SPON1: variants seen among roughly 807,000 people sequenced by gnomAD.
SPON1 encodes the protein spondin-1.
A neutral mutation model predicts 111.7 loss-of-function variants in SPON1; 52 were observed. The ratio of observed to expected loss-of-function variants is 0.47; its 90% CI spans 0.37 to 0.59. The LOEUF is 0.59. Ranked by LOEUF, SPON1 falls within the 20% of genes least tolerant of loss-of-function variation. The pLI, the probability that SPON1 is intolerant of heterozygous loss-of-function variation, is 0.00. For synonymous variants in SPON1, 410 were observed against 395.8 expected (o/e 1.04, Z -0.43); for missense variants, 957 against 1,068.5 (o/e 0.90, Z 1.46).
chr11:14,072,350 AT>A (rs1245241945), intron 3 of SPON1, among the ~76,000 whole-genome samples: 1 of 152,074 alleles, frequency 6.6e-6, no homozygotes, highest in African/African-American at 2.4e-5. Context: ...GTCCCCCAAA[AT>A]TTTTATAATC....
chr11:14,211,751 C>T (rs529670106), intron 6 of SPON1, among the ~76,000 whole-genome samples: 1 of 152,268 alleles, frequency 6.6e-6, no homozygotes, highest in East Asian at 1.9e-4. Flanking sequence ...AGTAATGCTA[C>T]TGACCTTTGA....
intron 5 of SPON1, among the ~76,000 whole-genome samples, chr11:14,099,836 G>A (rs1554924217): frequency 1.3e-5 from 2 of 152,156 alleles, no homozygotes; most frequent in Admixed American, 6.5e-5. Context: ...CAGGGCTGAA[G>A]GCCAAGCGGA....
chr11:14,015,091 T>C (rs1381727655), intron 2 of SPON1, among the ~76,000 whole-genome samples: 1 of 152,252 alleles, frequency 6.6e-6, no homozygotes, highest in African/African-American at 2.4e-5. Flanking sequence ...CATTGAGGTT[T>C]GGCTCAAAGC....
intron 1 of SPON1, among the ~76,000 whole-genome samples, chr11:13,972,156 G>A (rs1415977313): frequency 6.6e-6 from 1 of 152,164 alleles, no homozygotes; most frequent in African/African-American, 2.4e-5. Context: ...CCCAGATGTG[G>A]TCTGTTAGGG....
At chr11:14,168,387 GTTTGA>G (rs1327385158) in intron 6 of SPON1, among the ~76,000 whole-genome samples, 1 of 152,100 alleles carries the variant, frequency 6.6e-6, no homozygotes, top group Non-Finnish European at 1.5e-5. Flanking sequence ...CTGACAAAAT[GTTTGA>G]TTTAAGTGCT....
At chr11:14,189,828 CTA>C (rs1554934389) in intron 6 of SPON1, among the ~76,000 whole-genome samples, 1 of 152,122 alleles carries the variant, frequency 6.6e-6, no homozygotes, top group Non-Finnish European at 1.5e-5. Flanking sequence ...CAAGAGAAGA[CTA>C]AAATGTTATT....
intron 6 of SPON1, among the ~76,000 whole-genome samples, chr11:14,166,552 A>G (rs945147758): frequency 1.3e-5 from 2 of 152,154 alleles, no homozygotes; most frequent in Non-Finnish European, 1.5e-5. Context: ...TAAGAGTCCT[A>G]TATCTGATCA....
At chr11:14,041,356 T>C (rs1848629825) in intron 2 of SPON1, among the ~76,000 whole-genome samples, 165 bp from the exon 3 acceptor site, 1 of 152,174 alleles carries the variant, frequency 6.6e-6, no homozygotes, top group Non-Finnish European at 1.5e-5. Context: ...TCAACAAGCG[T>C]TGACTGGGAC....
At chr11:14,237,310 C>G (rs140924096) in intron 6 of SPON1, among the ~76,000 whole-genome samples, 262 of 152,336 alleles carry the variant, frequency 1.7e-3, no homozygotes, top group African/African-American at 6.0e-3. Context: ...AGACACTGCT[C>G]TCCCAGAGGG....
At chr11:14,082,297 G>C (rs1554922134) in intron 5 of SPON1, among the ~76,000 whole-genome samples, 1 of 152,178 alleles carries the variant, frequency 6.6e-6, no homozygotes, top group East Asian at 1.9e-4. Flanking sequence ...GTGTGTTCCA[G>C]ATCTTCTAGG....
At chr11:13,982,537 T>C (rs539388316) in intron 1 of SPON1, among the ~76,000 whole-genome samples, 4 of 152,198 alleles carry the variant, frequency 2.6e-5, no homozygotes, top group African/African-American at 7.2e-5. Flanking sequence ...ATTGTGAAGA[T>C]TGAGTTTCTG....
intron 5 of SPON1, among the ~76,000 whole-genome samples, chr11:14,096,211 G>A (rs113440618): frequency 2.1e-4 from 32 of 152,292 alleles, no homozygotes; most frequent in African/African-American, 7.2e-4. Flanking sequence ...GGTTGGGAGT[G>A]GAGAAGGAAA....
chr11:14,084,971 C>A (rs1263767845), intron 5 of SPON1, among the ~76,000 whole-genome samples: 1 of 152,068 alleles, frequency 6.6e-6, no homozygotes, highest in Non-Finnish European at 1.5e-5. Context: ...CTGTTCATAT[C>A]CTTCACCCAC....
At chr11:14,004,486 C>T (rs982027568) in intron 2 of SPON1, among the ~76,000 whole-genome samples, 1 of 152,176 alleles carries the variant, frequency 6.6e-6, no homozygotes, top group East Asian at 1.9e-4. Context: ...CAGACCCTTA[C>T]CAACATTTGC....
chr11:14,028,805 C>T (rs948622458), intron 2 of SPON1, among the ~76,000 whole-genome samples: 6 of 152,148 alleles, frequency 3.9e-5, no homozygotes, highest in Admixed American at 3.3e-4. Flanking sequence ...TGACTTTACT[C>T]AAGGTCATTC....
chr11:14,158,776 A>C (rs1847877651), intron 6 of SPON1, among the ~76,000 whole-genome samples: 1 of 152,136 alleles, frequency 6.6e-6, no homozygotes, highest in South Asian at 2.1e-4. Flanking sequence ...TTGGCCTCAT[A>C]TAAGCTCGCT....
At chr11:14,166,941 A>G (rs1334862692) in intron 6 of SPON1, among the ~76,000 whole-genome samples, 6 of 152,098 alleles carry the variant, frequency 3.9e-5, no homozygotes, top group African/African-American at 1.4e-4. Context: ...AACAAGACAA[A>G]TGTCTGTAGA....
intron 6 of SPON1, among the ~76,000 whole-genome samples, chr11:14,142,626 C>G (rs1226283999): frequency 6.6e-6 from 1 of 152,188 alleles, no homozygotes; most frequent in African/African-American, 2.4e-5. Flanking sequence ...GGAGCTAGTT[C>G]GATGCCACCT....
intron 3 of SPON1, among the ~76,000 whole-genome samples, chr11:14,058,919 G>A (rs1313518961): frequency 1.3e-5 from 2 of 152,184 alleles, no homozygotes; most frequent in Non-Finnish European, 2.9e-5. Flanking sequence ...CCAAGCTTTT[G>A]ATCTACCACA....
Sources: allele counts gnomAD v4.1 joint callset (sites outside exome capture counted in the v4.1 genomes callset), GRCh38; gene constraint gnomAD v4.1.1; transcripts MANE v1.5; gene names NCBI Gene and HGNC (gene_info 2026-07-23, HGNC 2026-07-21).